Variants in RMND1 observed in about 807,000 individuals in gnomAD.
The protein encoded by RMND1 is required for meiotic nuclear division protein 1 homolog.
A neutral mutation model predicts 54.0 loss-of-function variants in RMND1; 41 were observed. The observed-to-expected ratio is 0.76, with a 90% CI of 0.59 to 0.98. The LOEUF (loss-of-function observed/expected upper bound fraction) is 0.98. Among genes scored for constraint, RMND1 ranks in the 50% least tolerant of loss-of-function variants. The probability of loss-of-function intolerance (pLI) is 0.00; values close to 1 mark genes in which losing one functional copy is unlikely to be tolerated. For synonymous variants in RMND1, 183 were observed against 181.7 expected (o/e 1.01, Z -0.06); for missense variants, 457 against 532.0 (o/e 0.86, Z 1.39).
intron 6 of RMND1, among the ~76,000 whole-genome samples, chr6:151,423,877 T>C (rs1286980496): frequency 6.7e-6 from 1 of 150,306 alleles, no homozygotes; most frequent in African/African-American, 2.5e-5. Context: ...TGAGACAGTC[T>C]CACTCTGCCG....
chr6:151,416,481 T>C (rs1431406037), intron 10 of RMND1: 2 of 143,844 alleles, frequency 1.4e-5, no homozygotes, highest in Non-Finnish European at 3.0e-5. Context: ...TGGAGTGCAC[T>C]GGCTCGACCT....
intron 9 of RMND1, among the ~76,000 whole-genome samples, chr6:151,420,509 G>A (rs1780123898): frequency 6.6e-6 from 1 of 152,150 alleles, no homozygotes; most frequent in Non-Finnish European, 1.5e-5. Flanking sequence ...GTTTCATTCC[G>A]TAAATCCTGG....
intron 10 of RMND1, chr6:151,409,025 T>G (rs557878646): frequency 6.6e-6 from 1 of 152,346 alleles, no homozygotes; most frequent in African/African-American, 2.4e-5. Flanking sequence ...GAAGTACTTG[T>G]TTTAACATTT....
At chr6:151,429,160 C>T (rs1445084150) in intron 5 of RMND1, among the ~76,000 whole-genome samples, 2 of 149,560 alleles carry the variant, frequency 1.3e-5, no homozygotes, top group Non-Finnish European at 3.0e-5. Flanking sequence ...ATGCCTCTGT[C>T]TCCCAGGCTG....
In RMND1 at chr6:151,452,072, TGCA is replaced by T. The variant is rs557311904; in HGVS notation, c.-74_-72del. On this transcript the variant is annotated 5_prime_UTR_variant, in exon 1 of 12. Coordinates refer to ENST00000444024, the MANE Select transcript of RMND1 (RefSeq NM_017909.4). Reference sequence around the variant, plus strand: ...GGGACGCACGCTTCCTCGGCAGGACTGCAGGGAAAGAGCCGCACCCCCAGCCTC... The same window carrying T: ...GGGACGCACGCTTCCTCGGCAGGACTGGGAAAGAGCCGCACCCCCAGCCTC... The T allele has an allele frequency of 3.0e-4, 49 of 165,766 alleles. 2 individuals carry two copies. The South Asian group carries it at 5.8e-3, about 20-fold the overall frequency. 10.3% of individuals were successfully genotyped at this position (165,766 alleles called of 1,614,324 possible).
chr6:151,417,421 CT>C, intron 9 of RMND1, 22 bp from the exon 10 acceptor site: 1 of 1,514,416 alleles, frequency 6.6e-7, no homozygotes, highest in Non-Finnish European at 9.0e-7. Context: ...AAAATTATAA[CT>C]TTTTATTTAT....
intron 5 of RMND1, among the ~76,000 whole-genome samples, 174 bp from the exon 6 acceptor site, chr6:151,427,756 A>G (rs1780344984): frequency 6.6e-6 from 1 of 152,228 alleles, no homozygotes; most frequent in African/African-American, 2.4e-5. Flanking sequence ...TCAGGATGAC[A>G]TGTTCATTTG....
At chr6:151,410,260 T>A (rs1456300648) in intron 10 of RMND1, among the ~76,000 whole-genome samples, 4 of 152,136 alleles carry the variant, frequency 2.6e-5, no homozygotes, top group Non-Finnish European at 5.9e-5. Context: ...TCTCACCATG[T>A]TAGCCAGGAT....
intron 2 of RMND1, among the ~76,000 whole-genome samples, chr6:151,442,459 C>CA (rs1361839364): frequency 6.6e-6 from 1 of 152,210 alleles, no homozygotes; most frequent in Non-Finnish European, 1.5e-5. Flanking sequence ...CCATGCCACT[C>CA]AGACCTGCCG....
rs867104310 is a variant in RMND1, at chr6:151,450,317, G to C, written c.-15+1699C>G. ...CCGGCCGCCCCATCTGAGAAGTGAG[G>C]AGACCCTCCGCCCGGCAGCCACCCC... On this transcript the variant is annotated intron_variant, in intron 1 of 11. Transcript: ENST00000444024. 4.8e-4 allele frequency among the ~76,000 whole-genome samples: 71 copies of C among 148,276 alleles called. 1 individual carries two copies. The South Asian group carries it at 5.9e-3, about 12-fold the overall frequency.
chr6:151,416,331 T>C (rs995284177), intron 10 of RMND1, among the ~76,000 whole-genome samples: 2 of 151,922 alleles, frequency 1.3e-5, no homozygotes, highest in Non-Finnish European at 2.9e-5. Context: ...TGTGGCAAAA[T>C]GTCACAGAAC....
chr6:151,421,364 C>G, intron 8 of RMND1, 43 bp from the exon 9 acceptor site: 2 of 1,444,568 alleles, frequency 1.4e-6, no homozygotes, highest in Non-Finnish European at 1.9e-6. Context: ...CCATGTATCT[C>G]TCTTTCTAAT....
chr6:151,426,427 G>C (rs1780298812), intron 6 of RMND1, among the ~76,000 whole-genome samples: 1 of 152,018 alleles, frequency 6.6e-6, no homozygotes, highest in Non-Finnish European at 1.5e-5. Context: ...ATTTATCTTA[G>C]TGAAACTGGT....
At chr6:151,408,344 T>C (rs1458844521) in intron 10 of RMND1, among the ~76,000 whole-genome samples, 1 of 151,936 alleles carries the variant, frequency 6.6e-6, no homozygotes, top group East Asian at 1.9e-4. Flanking sequence ...ATAGAAAAAT[T>C]AGCTGGGTGT....
chr6:151,449,106 C>T (rs1458898907), intron 1 of RMND1, among the ~76,000 whole-genome samples: 1 of 146,046 alleles, frequency 6.8e-6, no homozygotes, highest in African/African-American at 2.6e-5. Flanking sequence ...CGGTGGCTCA[C>T]GCCTGTAACC....
rs1732482715 is a variant in RMND1, at chr6:151,422,552, AC to A, written c.990del (p.Gln330HisfsTer7). On this transcript the variant is annotated frameshift_variant, in exon 8 of 12. Coordinates refer to ENST00000444024, the MANE Select transcript of RMND1 (RefSeq NM_017909.4). LOFTEE classifies it high-confidence loss of function. Reference protein sequence around the residue: ...ASLDKFIESIQSIPEALKAGK... With the variant: ...ASLDKFIESIXSIPEALKAGK... ...ATTGATATAATTACCTCAGGAATTGACTGAATAGATTCAATAAATTTATCCA... is the reference window on the plus strand; with the variant it reads ...ATTGATATAATTACCTCAGGAATTGATGAATAGATTCAATAAATTTATCCA... 1 of 1,518,676 alleles carries A rather than the reference AC, an allele frequency of 6.6e-7. No homozygotes were observed. The highest frequency in any genetic ancestry group is 1.4e-5 in the African/African-American group (1 of 72,028). 94.1% of individuals were successfully genotyped at this position (1,518,676 alleles called of 1,614,324 possible).
intron 2 of RMND1, chr6:151,444,556 CA>C (rs1474759388): frequency 9.2e-5 from 14 of 152,172 alleles, no homozygotes; most frequent in Non-Finnish European, 1.0e-4. Flanking sequence ...GACTTGAAGA[CA>C]GACATTCTAA....
intron 4 of RMND1, among the ~76,000 whole-genome samples, chr6:151,431,613 G>A (rs1199132019): frequency 6.6e-6 from 1 of 151,982 alleles, no homozygotes; most frequent in African/African-American, 2.4e-5. Context: ...GTGCAATGTG[G>A]TACTCAGAGG....
At chr6:151,431,943 T>A (rs1329727687) in intron 4 of RMND1, among the ~76,000 whole-genome samples, 1 of 151,934 alleles carries the variant, frequency 6.6e-6, no homozygotes, top group Non-Finnish European at 1.5e-5. Context: ...CTTTCTTTTT[T>A]TTTTTTTCTT....
Sources: allele counts gnomAD v4.1 joint callset (sites outside exome capture counted in the v4.1 genomes callset), GRCh38; gene constraint gnomAD v4.1.1; transcripts MANE v1.5; gene names NCBI Gene and HGNC (gene_info 2026-07-23, HGNC 2026-07-21).